Variants in PARD3B observed in about 807,000 individuals in gnomAD.
PARD3B encodes partitioning defective 3 homolog B.
A neutral mutation model predicts 130.2 loss-of-function variants in PARD3B; 103 were observed. The observed-to-expected ratio is 0.79, with a 90% CI of 0.67 to 0.93. The LOEUF (loss-of-function observed/expected upper bound fraction) is 0.93, where lower values mean the gene tolerates loss of function less well. Ranked by LOEUF, PARD3B falls within the 40% of genes least tolerant of loss-of-function variation. The probability of loss-of-function intolerance (pLI) is 0.00; values close to 1 mark genes in which losing one functional copy is unlikely to be tolerated. For missense variants in PARD3B, 1,609 were observed against 1,499.2 expected, an observed-to-expected ratio of 1.07 and a Z score of -1.21; for synonymous variants, 583 against 553.2, an observed-to-expected ratio of 1.05 and a Z score of -0.76.
rs111356165 is a variant in PARD3B, at chr2:205,212,058, G to T, written c.2140+18738G>T. On this transcript the variant is annotated intron_variant, in intron 15 of 22. Coordinates refer to ENST00000406610, the MANE Select transcript of PARD3B (RefSeq NM_001302769.2). ...ATAAATAAGTAGATGTCAGGTAAAT[G>T]ATCTCAGTGCTTTCTCTGTACCCAG... Among the ~76,000 whole-genome samples, 1,216 of 152,144 alleles carry T rather than the reference G, an allele frequency of 8.0e-3. 17 individuals are homozygous for T. The highest frequency in any genetic ancestry group is 0.014 in the African/African-American group (572 of 41,544).
chr2:205,170,130 A>G (rs1171807636), intron 11 of PARD3B, among the ~76,000 whole-genome samples: 1 of 151,976 alleles, frequency 6.6e-6, no homozygotes, highest in Non-Finnish European at 1.5e-5. Flanking sequence ...GGGTTTCTCC[A>G]TGTTGGTCAG....
Position 204,797,161 on chromosome 2 carries a change from C to T in PARD3B, c.222+110879C>T, listed in dbSNP as rs1399137390. Among the ~76,000 whole-genome samples the T allele has an allele frequency of 1.1e-4, 14 of 123,834 alleles. 1 individual carries two copies. The highest frequency in any genetic ancestry group is 1.0e-4 in the Admixed American group (1 of 9,678). 81.2% of individuals were successfully genotyped at this position (123,834 alleles called of 152,430 possible). ...CTGCACTCCAGCCTGAGAGACAGAGCGAGACTCTGTCTCAAAAAAAAAAAA... is the reference window on the plus strand; with the variant it reads ...CTGCACTCCAGCCTGAGAGACAGAGTGAGACTCTGTCTCAAAAAAAAAAAA... On this transcript the variant is annotated intron_variant, in intron 2 of 22. Transcript: ENST00000406610.
chr2:205,360,303 A>C (rs1265881666), intron 18 of PARD3B, among the ~76,000 whole-genome samples: 1 of 151,920 alleles, frequency 6.6e-6, no homozygotes. Context: ...AGTCTTAATC[A>C]GATTTTTCAG....
intron 4 of PARD3B, among the ~76,000 whole-genome samples, chr2:205,088,652 G>T (rs1306184738): frequency 6.6e-6 from 1 of 152,154 alleles, no homozygotes; most frequent in Non-Finnish European, 1.5e-5. Context: ...AATGAAGAGA[G>T]TTACTGACTT....
chr2:204,588,887 C>A (rs1356577429), intron 1 of PARD3B, among the ~76,000 whole-genome samples: 2 of 152,224 alleles, frequency 1.3e-5, no homozygotes, highest in East Asian at 3.9e-4. Flanking sequence ...GTACTTCAAT[C>A]TACAAATCCT....
Position 205,146,897 on chromosome 2 carries a change from G to A in PARD3B, c.1435-11825G>A, listed in dbSNP as rs1168548447. Among the ~76,000 whole-genome samples, 1 of 151,720 alleles carries A rather than the reference G, an allele frequency of 6.6e-6. No homozygotes were observed. The highest frequency in any genetic ancestry group is 2.0e-4 in the East Asian group (1 of 5,074). ...ACCCGGCTAATTTTTTGTATTTTTA[G>A]TAGGAATGGGGTTTTGCCATGTTGG... is the stretch of plus-strand genomic sequence containing the variant. On this transcript the variant is annotated intron_variant, in intron 10 of 22. Transcript: ENST00000406610. This position sits in a 1 kb window ranked among gnomAD's most constrained non-coding sequence, Gnocchi z 4.3.
rs146199052 is a variant in PARD3B at position 204,805,195 on chromosome 2, G to T, written c.222+118913G>T. Among the ~76,000 whole-genome samples the T allele has an allele frequency of 2.9e-3, 435 of 152,042 alleles. 1 individual carries two copies. The highest frequency in any genetic ancestry group is 9.3e-3 in the South Asian group (45 of 4,826). On this transcript the variant is annotated intron_variant, in intron 2 of 22. Transcript: ENST00000406610. Reference sequence around the variant, plus strand: ...GACAAATCTTTTGCCTAAAAGAGAAGACCTAAACAAATAAAGTCAGAGATG... The same window carrying T: ...GACAAATCTTTTGCCTAAAAGAGAATACCTAAACAAATAAAGTCAGAGATG...
At chr2:204,801,548 T>G (rs1445419779) in intron 2 of PARD3B, among the ~76,000 whole-genome samples, 1 of 152,214 alleles carries the variant, frequency 6.6e-6, no homozygotes, top group African/African-American at 2.4e-5. Flanking sequence ...TCTTGCACAT[T>G]GATTTTTGTA....
chr2:204,972,937 TA>T (rs141593938), intron 3 of PARD3B, among the ~76,000 whole-genome samples: 2,590 of 152,278 alleles, frequency 0.017, 72 homozygotes, highest in African/African-American at 0.059. Context: ...CCCTAAGTAG[TA>T]AAAATATTTT....
intron 2 of PARD3B, among the ~76,000 whole-genome samples, chr2:204,883,741 G>T (rs956490280): frequency 7.3e-5 from 11 of 150,790 alleles, no homozygotes; most frequent in Admixed American, 4.0e-4. Flanking sequence ...ACCGCACCTG[G>T]CCTATATATA....
In PARD3B at chr2:205,047,612, C is replaced by T; in HGVS notation, c.426C>T (p.Asp142=). ...GTPLLVRRSS[D]PVPGPPADTQ... is the part of the protein sequence containing the mutation. Reference sequence around the variant, plus strand: ...CACTGCTGGTGAGGAGAAGCAGTGACCCAGTGCCAGGCCCACCTGCTGATA... The same window carrying T: ...CACTGCTGGTGAGGAGAAGCAGTGATCCAGTGCCAGGCCCACCTGCTGATA... Residue 142 remains aspartate, a synonymous_variant, in exon 4 of 23, where the codon GAC becomes GAT. Transcript: ENST00000406610. 6.4e-7 allele frequency: 1 copy of T among 1,550,428 alleles called. No individual in the cohort carries two copies. Among genetic ancestry groups the T allele is most frequent in the South Asian group, 1.2e-5 (1 of 84,002 alleles).
At chr2:205,381,529 C>T (rs1379397261) in intron 18 of PARD3B, among the ~76,000 whole-genome samples, 1 of 151,696 alleles carries the variant, frequency 6.6e-6, no homozygotes, top group Non-Finnish European at 1.5e-5. Context: ...TTTGTCTCCT[C>T]TAGTTTTACC....
At chr2:204,601,055 G>A (rs1444878423) in intron 1 of PARD3B, among the ~76,000 whole-genome samples, 2 of 151,676 alleles carry the variant, frequency 1.3e-5, no homozygotes, top group Non-Finnish European at 3.0e-5. Flanking sequence ...TCCTGGATAC[G>A]GACCTTAAGA....
At position 204,755,031 on chromosome 2, in the gene PARD3B, G is replaced by T. The variant is rs1192694055; in HGVS notation, c.222+68749G>T. Among the ~76,000 whole-genome samples, 3 of 152,034 alleles carry T rather than the reference G, an allele frequency of 2.0e-5. No individual in the cohort carries two copies. In the East Asian group the frequency reaches 5.8e-4, roughly 29 times the overall value. On this transcript the variant is annotated intron_variant, in intron 2 of 22. Transcript: ENST00000406610. ...TTGCATATCTAAATATTTAATTTCA[G>T]TTATTAGTGTTGTGTTATTTAATTG...
At chr2:205,073,225 C>T (rs933097690) in intron 4 of PARD3B, among the ~76,000 whole-genome samples, 6 of 152,124 alleles carry the variant, frequency 3.9e-5, no homozygotes, top group Non-Finnish European at 7.4e-5. Context: ...TAAAATAAAG[C>T]TATTTTATTC....
At chr2:205,206,734 T>G (rs2037337535) in intron 15 of PARD3B, among the ~76,000 whole-genome samples, 1 of 152,112 alleles carries the variant, frequency 6.6e-6, no homozygotes, top group Non-Finnish European at 1.5e-5. Flanking sequence ...ATATACCCAG[T>G]AATGGGATGG....
chr2:204,625,334 C>T (rs1018714325), intron 1 of PARD3B, among the ~76,000 whole-genome samples: 6 of 152,004 alleles, frequency 3.9e-5, no homozygotes, highest in Admixed American at 2.6e-4. Context: ...GCTTGGGCAT[C>T]GGTTCTCCAT....
At chr2:204,749,034 C>G (rs1011074297) in intron 2 of PARD3B, among the ~76,000 whole-genome samples, 2 of 151,796 alleles carry the variant, frequency 1.3e-5, no homozygotes, top group African/African-American at 4.8e-5. Context: ...TTTATATAAC[C>G]TGTCTCAAAT....
At chr2:205,047,913 A>T (rs145597620) in intron 4 of PARD3B, 7 of 365,486 alleles carry the variant, frequency 1.9e-5, no homozygotes, top group African/African-American at 1.5e-4. Context: ...GTACTATTTT[A>T]CCTGTTTTAT....
Sources: allele counts gnomAD v4.1 joint callset (sites outside exome capture counted in the v4.1 genomes callset), GRCh38; gene constraint gnomAD v4.1.1; non-coding constraint Gnocchi (gnomAD v3.1); transcripts MANE v1.5; gene names NCBI Gene and HGNC (gene_info 2026-07-23, HGNC 2026-07-21).